CSMD2: variants seen among roughly 807,000 people sequenced by gnomAD.
CSMD2 encodes the protein CUB and sushi domain-containing protein 2.
In CSMD2, 130 loss-of-function variants were observed where a neutral mutation model predicts 398.5. The ratio of observed to expected loss-of-function variants is 0.33; its 90% CI spans 0.28 to 0.38. The LOEUF (loss-of-function observed/expected upper bound fraction) is 0.38. Among genes scored for constraint, CSMD2 ranks in the 10% least tolerant of loss-of-function variants. CSMD2 has a pLI of 1.00. For missense variants in CSMD2, 3,829 were observed against 4,764.9 expected (o/e 0.80, Z 5.78); for synonymous variants, 1,828 against 1,908.5 (o/e 0.96, Z 1.10).
intron 25 of CSMD2, among the ~76,000 whole-genome samples, chr1:33,663,504 A>G (rs1644210027): frequency 6.6e-6 from 1 of 150,376 alleles, no homozygotes; most frequent in African/African-American, 2.5e-5. Context: ...AAAAAAAAAA[A>G]ATAATTGGGG....
chr1:33,775,687 G>C (rs1250901674), intron 12 of CSMD2, among the ~76,000 whole-genome samples: 1 of 152,232 alleles, frequency 6.6e-6, no homozygotes, highest in African/African-American at 2.4e-5. Flanking sequence ...GGACCTCCAA[G>C]TGGAAATATC....
chr1:33,764,130 G>A (rs1277414476), intron 13 of CSMD2, among the ~76,000 whole-genome samples: 1 of 152,024 alleles, frequency 6.6e-6, no homozygotes, highest in African/African-American at 2.4e-5. Context: ...AAGGTAACAG[G>A]CAATGATATG....
intron 6 of CSMD2, among the ~76,000 whole-genome samples, chr1:33,829,785 A>C (rs1440378093): frequency 6.6e-6 from 1 of 152,184 alleles, no homozygotes; most frequent in African/African-American, 2.4e-5. Flanking sequence ...GGCACGTGGA[A>C]AATCGGGTCA....
intron 5 of CSMD2, among the ~76,000 whole-genome samples, chr1:33,879,473 C>T (rs1433950970): frequency 6.6e-6 from 1 of 152,146 alleles, no homozygotes; most frequent in Non-Finnish European, 1.5e-5. Context: ...ATTTATCTTC[C>T]CCATATCTAT....
intron 2 of CSMD2, among the ~76,000 whole-genome samples, chr1:34,065,517 C>T (rs1342681723): frequency 6.6e-6 from 1 of 152,158 alleles, no homozygotes; most frequent in Non-Finnish European, 1.5e-5. Flanking sequence ...CTGCACAGTG[C>T]ACAGAGCACT....
At chr1:33,874,495 T>C (rs1456013608) in intron 5 of CSMD2, among the ~76,000 whole-genome samples, 1 of 152,156 alleles carries the variant, frequency 6.6e-6, no homozygotes, top group East Asian at 1.9e-4. Flanking sequence ...TCTTTGCAAA[T>C]ACCAGAGTAT....
chr1:33,658,188 T>G, intron 26 of CSMD2, 51 bp from the exon 27 acceptor site: 1 of 1,505,968 alleles, frequency 6.6e-7, no homozygotes, highest in Non-Finnish European at 9.1e-7. Flanking sequence ...TGTCTGCCAC[T>G]CAGGAGGCTC....
intron 44 of CSMD2, among the ~76,000 whole-genome samples, chr1:33,591,169 A>G (rs1334893312): frequency 6.6e-6 from 1 of 151,558 alleles, no homozygotes; most frequent in African/African-American, 2.4e-5. Flanking sequence ...TGTATTTTTA[A>G]TAGAGACGGG....
At chr1:33,632,772 A>G (rs908949526) in intron 32 of CSMD2, among the ~76,000 whole-genome samples, 4 of 152,212 alleles carry the variant, frequency 2.6e-5, no homozygotes, top group Non-Finnish European at 4.4e-5. Flanking sequence ...AAATGTATAT[A>G]AAGATGTATG....
chr1:33,679,571 T>A (rs1436698629), intron 25 of CSMD2, among the ~76,000 whole-genome samples: 7 of 152,228 alleles, frequency 4.6e-5, no homozygotes, highest in Admixed American at 4.6e-4. Context: ...GTAAAATGGC[T>A]GTAATTTCAA....
In CSMD2 at chr1:33,614,571, G is replaced by A. The variant is rs929605328; in HGVS notation, c.6066C>T (p.Pro2022=). The change falls in exon 40 of 71, where the codon CCC becomes CCT. Residue 2022 remains proline (P), a synonymous_variant. Coordinates refer to ENST00000373381, the MANE Select transcript of CSMD2 (RefSeq NM_001281956.2). ...TACTGGGGTAGTTGCCTGGGAAGCCGGGGCTCAGGATCACCCCCTCCATCT... is the reference window on the plus strand; with the variant it reads ...TACTGGGGTAGTTGCCTGGGAAGCCAGGGCTCAGGATCACCCCCTCCATCT... ...VEEMEGVILS[P]GFPGNYPSNM... 6.2e-6 allele frequency: 10 copies of A among 1,613,116 alleles called. No individual in the cohort carries two copies. Among genetic ancestry groups the A allele is most frequent in the South Asian group, 2.2e-5 (2 of 91,052 alleles).
At chr1:34,151,816 C>T (rs1422025484) in intron 1 of CSMD2, among the ~76,000 whole-genome samples, 4 of 141,644 alleles carry the variant, frequency 2.8e-5, no homozygotes, top group Non-Finnish European at 6.0e-5. Context: ...TCCCTCCCTC[C>T]CCCCCCTTCT....
intron 13 of CSMD2, among the ~76,000 whole-genome samples, chr1:33,768,536 ATGTGTGTGTGTGTGTGTGTG>A (rs60273744): frequency 7.0e-5 from 10 of 142,158 alleles, no homozygotes; most frequent in East Asian, 2.1e-4. Flanking sequence ...GTGTGCGTGC[ATGTGTGTGTGTGTGTGTGTG>A]TGTGTGTGTG....
At chr1:34,009,375 T>C (rs534769572) in intron 3 of CSMD2, among the ~76,000 whole-genome samples, 1 of 151,996 alleles carries the variant, frequency 6.6e-6, no homozygotes, top group South Asian at 2.1e-4. Flanking sequence ...GGAAGGGCCT[T>C]CCACAGTGAA....
chr1:33,545,003 C>T (rs1452913223), intron 57 of CSMD2, among the ~76,000 whole-genome samples: 1 of 152,126 alleles, frequency 6.6e-6, no homozygotes, highest in Non-Finnish European at 1.5e-5. Flanking sequence ...TGAACAAAAA[C>T]ATGGTCCCAT....
chr1:33,525,969 C>A (rs542524025), intron 65 of CSMD2, among the ~76,000 whole-genome samples: 69 of 152,254 alleles, frequency 4.5e-4, no homozygotes, highest in Admixed American at 4.5e-3. Flanking sequence ...CAGGTGTGAG[C>A]CACCACACCC....
intron 1 of CSMD2, among the ~76,000 whole-genome samples, chr1:34,132,735 T>G (rs977555753): frequency 1.3e-5 from 2 of 152,182 alleles, no homozygotes; most frequent in Admixed American, 6.5e-5. Flanking sequence ...TGCCATAAGA[T>G]ATCAGAGCTC....
chr1:33,524,487 C>CTT (rs1557480050), intron 66 of CSMD2, among the ~76,000 whole-genome samples: 3 of 152,248 alleles, frequency 2.0e-5, no homozygotes, highest in African/African-American at 7.2e-5. Flanking sequence ...TAAAAACACT[C>CTT]TGAGTTGATG....
At chr1:33,895,364 G>A (rs977279365) in intron 5 of CSMD2, among the ~76,000 whole-genome samples, 36 of 152,248 alleles carry the variant, frequency 2.4e-4, no homozygotes, top group African/African-American at 7.9e-4. Context: ...TGGGTTTGTG[G>A]GTCAGGGGTG....
Sources: gnomAD v4.1 joint callset for allele counts (sites outside exome capture counted in the v4.1 genomes callset) on GRCh38, gnomAD v4.1.1 for gene constraint, MANE v1.5 for transcripts, NCBI Gene and HGNC (gene_info 2026-07-23, HGNC 2026-07-21) for gene names.